The following ZNF280D variants were observed in gnomAD, a reference collection of about 807,000 sequenced individuals.
ZNF280D encodes the protein suppressor of hairy wing homolog 4.
A neutral mutation model predicts 94.7 loss-of-function variants in ZNF280D; 39 were observed. The ratio of observed to expected loss-of-function variants is 0.41; its 90% CI spans 0.32 to 0.54. The LOEUF is 0.54. Ranked by LOEUF, ZNF280D falls within the 20% of genes least tolerant of loss-of-function variation. The pLI is 0.22. For missense variants in ZNF280D, 1,090 were observed against 1,149.3 expected (o/e 0.95, Z 0.75); for synonymous variants, 398 against 377.6 (o/e 1.05, Z -0.63).
chr15:56,680,622 G>C (rs1293687252), intron 10 of ZNF280D, among the ~76,000 whole-genome samples: 1 of 148,518 alleles, frequency 6.7e-6, no homozygotes, highest in Admixed American at 6.6e-5. Context: ...GACTACAGGT[G>C]CACGTCACCA....
In ZNF280D at chr15:56,630,303, TAA is replaced by T. The variant is rs1191079081; in HGVS notation, c.*1193_*1194del. 1 of 152,152 alleles carries T rather than the reference TAA, an allele frequency of 6.6e-6. No homozygotes were observed. The highest frequency in any genetic ancestry group is 1.5e-5 in the Non-Finnish European group (1 of 67,982). The allele number at this position is 152,152 out of a possible 1,614,324, so 9.4% of individuals were successfully genotyped here. ...AAATTTAAGAATCCAAAGCACATTT[TAA>T]GAAGTAAAAATGAAGCATTTTAAAT... On this transcript the variant is annotated 3_prime_UTR_variant, in exon 22 of 22. Transcript: ENST00000267807.
At chr15:56,650,667 T>C (rs972855181) in intron 19 of ZNF280D, among the ~76,000 whole-genome samples, 38 of 152,180 alleles carry the variant, frequency 2.5e-4, no homozygotes, top group African/African-American at 8.4e-4. Flanking sequence ...CACAGATTCT[T>C]ACACTCTCAA....
At chr15:56,668,046 G>A (rs1191717070) in intron 14 of ZNF280D, 1 of 416,296 alleles carries the variant, frequency 2.4e-6, no homozygotes, top group East Asian at 7.4e-5. Flanking sequence ...GGATTGCAGG[G>A]AAGGATGCTG....
At chr15:56,643,039 A>G (rs1233561898) in intron 19 of ZNF280D, 42 bp from the exon 20 acceptor site, 8 of 1,287,586 alleles carry the variant, frequency 6.2e-6, no homozygotes, top group Non-Finnish European at 8.4e-6. Context: ...TTTTATATGT[A>G]CGATGGTAAA....
rs1596308897 is a variant in ZNF280D at position 56,631,198 on chromosome 15, T to C, written c.*300A>G. On this transcript the variant is annotated 3_prime_UTR_variant, in exon 22 of 22. Transcript: ENST00000267807. ...AAATATTACTAATATCATCAATTCA[T>C]GTCAGCAACCAAATCCCATTTCCTT... The C allele has an allele frequency of 1.8e-5, 5 of 280,190 alleles. No individual in the cohort carries two copies. In the East Asian group the frequency reaches 3.6e-4, roughly 20 times the overall value. 17.4% of individuals were successfully genotyped at this position (280,190 alleles called of 1,614,324 possible). A position where few individuals can be genotyped will look rare whatever the true frequency, so the allele number is the denominator to read the frequency against.
intron 1 of ZNF280D, among the ~76,000 whole-genome samples, chr15:56,724,295 T>A (rs188399266): frequency 6.6e-6 from 1 of 152,338 alleles, no homozygotes; most frequent in Admixed American, 6.5e-5. Context: ...AATAATGCTT[T>A]CATTCTGTCA....
At chr15:56,669,938 ATATATATATAT>A (rs2054663600) in intron 13 of ZNF280D, among the ~76,000 whole-genome samples, 8 of 3,304 alleles carry the variant, frequency 2.4e-3, no homozygotes, top group African/African-American at 0.012. Flanking sequence ...TATATATATT[ATATATATATAT>A]TATATATATA....
chr15:56,636,107 C>T (rs2052338296), intron 20 of ZNF280D, among the ~76,000 whole-genome samples: 1 of 152,116 alleles, frequency 6.6e-6, no homozygotes. Flanking sequence ...CGTCTCAAAA[C>T]TCTGCTAAAA....
At chr15:56,724,048 G>T (rs1357559605) in intron 1 of ZNF280D, among the ~76,000 whole-genome samples, 1 of 152,120 alleles carries the variant, frequency 6.6e-6, no homozygotes, top group Non-Finnish European at 1.5e-5. Context: ...ACTTGCTGTT[G>T]CTGCCTAGTA....
intron 1 of ZNF280D, among the ~76,000 whole-genome samples, chr15:56,714,277 C>T (rs1206723621): frequency 1.3e-5 from 2 of 151,966 alleles, no homozygotes; most frequent in African/African-American, 2.4e-5. Context: ...AGACAAAATA[C>T]GGGATGATTA....
chr15:56,663,054 T>G (rs1451390538), intron 16 of ZNF280D, among the ~76,000 whole-genome samples: 1 of 149,592 alleles, frequency 6.7e-6, no homozygotes, highest in Non-Finnish European at 1.5e-5. Context: ...GAGGCTAGAG[T>G]AGGCAGATCA....
chr15:56,650,893 T>C (rs1420950516), intron 19 of ZNF280D, among the ~76,000 whole-genome samples: 1 of 152,116 alleles, frequency 6.6e-6, no homozygotes, highest in Non-Finnish European at 1.5e-5. Flanking sequence ...TTCACTCAAA[T>C]GTCATCTCTC....
At chr15:56,642,834 C>G (rs549430399) in intron 20 of ZNF280D, 118 bp downstream of exon 20, 1 of 570,612 alleles carries the variant, frequency 1.8e-6, no homozygotes, top group Admixed American at 4.1e-5. Context: ...TTTTCTTCCT[C>G]ACAACATCCC....
At chr15:56,661,333 A>G (rs1281251789) in intron 16 of ZNF280D, among the ~76,000 whole-genome samples, 5 of 152,190 alleles carry the variant, frequency 3.3e-5, no homozygotes, top group Non-Finnish European at 5.9e-5. Flanking sequence ...AGTTCATTCT[A>G]TCAATGTTAG....
rs554233829 is a variant in ZNF280D, at chr15:56,732,094, C to T, written c.-86+1364G>A. On this transcript the variant is annotated intron_variant, in intron 1 of 21. Transcript: ENST00000267807. ...CCTCCTTGCCTATTCTCATCTACCTCATTCCCACAAAAATGGTATATACTA... is the reference window on the plus strand; with the variant it reads ...CCTCCTTGCCTATTCTCATCTACCTTATTCCCACAAAAATGGTATATACTA... Among the ~76,000 whole-genome samples, 2 of 152,184 alleles carry T rather than the reference C, an allele frequency of 1.3e-5. 1 individual carries two copies. Among genetic ancestry groups the T allele is most frequent in the South Asian group, 4.1e-4 (2 of 4,826 alleles).
intron 12 of ZNF280D, 95 bp downstream of exon 12, chr15:56,677,479 T>C (rs1346514370): frequency 3.7e-6 from 3 of 808,918 alleles, no homozygotes; most frequent in Non-Finnish European, 4.1e-6. Flanking sequence ...AAGTTATGCA[T>C]AAGTTTGCTG....
intron 19 of ZNF280D, among the ~76,000 whole-genome samples, chr15:56,647,551 A>C (rs1281827982): frequency 6.6e-6 from 1 of 152,106 alleles, no homozygotes; most frequent in Non-Finnish European, 1.5e-5. Context: ...TTTATTTTTT[A>C]AACAAGGTCT....
chr15:56,711,610 G>A (rs1268438009), intron 1 of ZNF280D, among the ~76,000 whole-genome samples: 1 of 152,164 alleles, frequency 6.6e-6, no homozygotes, highest in Non-Finnish European at 1.5e-5. Flanking sequence ...GCAGTAGTGA[G>A]CTGAGATCGT....
intron 1 of ZNF280D, among the ~76,000 whole-genome samples, chr15:56,721,929 A>G (rs2058389138): frequency 6.6e-6 from 1 of 152,236 alleles, no homozygotes; most frequent in East Asian, 1.9e-4. Flanking sequence ...CTCTGCTTTC[A>G]ACACGCCTTC....
Sources: gnomAD v4.1 joint callset for allele counts (sites outside exome capture counted in the v4.1 genomes callset) on GRCh38, gnomAD v4.1.1 for gene constraint, MANE v1.5 for transcripts, NCBI Gene and HGNC (gene_info 2026-07-23, HGNC 2026-07-21) for gene names.